EFCAB3: variants seen among roughly 807,000 people sequenced by gnomAD.
EFCAB3 encodes the protein EF-hand calcium binding domain 3.
A neutral mutation model predicts 42.2 loss-of-function variants in EFCAB3; 36 were observed. The observed-to-expected ratio is 0.85, with a 90% CI of 0.65 to 1.13. The LOEUF (loss-of-function observed/expected upper bound fraction) is 1.13. Among genes scored for constraint, EFCAB3 ranks in the 50% most tolerant of loss-of-function variants. The probability of loss-of-function intolerance (pLI) is 0.00; values close to 1 mark genes in which losing one functional copy is unlikely to be tolerated. For synonymous variants in EFCAB3, 170 were observed against 172.8 expected (o/e 0.98, Z 0.13); for missense variants, 418 against 505.1 (o/e 0.83, Z 1.65).
chr17:62,388,485 C>A (rs1284470884), intron 3 of EFCAB3, among the ~76,000 whole-genome samples: 1 of 152,164 alleles, frequency 6.6e-6, no homozygotes, highest in East Asian at 1.9e-4. Context: ...TCAAAGAAGT[C>A]AAGTGTGGCT....
intron 6 of EFCAB3, among the ~76,000 whole-genome samples, chr17:62,403,606 T>A (rs1198017699): frequency 9.2e-5 from 14 of 152,228 alleles, no homozygotes; most frequent in Admixed American, 9.2e-4. Context: ...AGGTCCTTCA[T>A]AATATATCCT....
intron 9 of EFCAB3, 96 bp from the exon 10 acceptor site, chr17:62,415,907 G>A: frequency 9.3e-7 from 1 of 1,072,376 alleles, no homozygotes. Context: ...CTTTCGAGTA[G>A]CCCAGGGACA....
rs984620972 is a variant in EFCAB3 at position 62,380,571 on chromosome 17, T to G, written c.-60T>G. On this transcript the variant is annotated 5_prime_UTR_variant, in exon 1 of 10. Coordinates refer to ENST00000305286, the MANE Select transcript of EFCAB3 (RefSeq NM_173503.4). ...CAAACCCTTTATTGGATTCCTGATCTGATTGAAGCCCAGAAGTGGTAGGTA... is the reference window on the plus strand; with the variant it reads ...CAAACCCTTTATTGGATTCCTGATCGGATTGAAGCCCAGAAGTGGTAGGTA... 4.1e-6 allele frequency: 4 copies of G among 985,458 alleles called. No homozygotes were observed. In the South Asian group the frequency reaches 1.9e-4, roughly 46 times the overall value. The allele number at this position is 985,458 out of a possible 1,614,324, so 61.0% of individuals were successfully genotyped here. A position where few individuals can be genotyped will look rare whatever the true frequency, so the allele number is the denominator to read the frequency against.
At chr17:62,387,014 A>G (rs113945430) in intron 2 of EFCAB3, among the ~76,000 whole-genome samples, 6,058 of 151,880 alleles carry the variant, frequency 0.04, 400 homozygotes, top group African/African-American at 0.14. Flanking sequence ...CTGGTCTTGA[A>G]CTCCTGGGCT....
exon 1 of EFCAB3, chr17:62,370,269 T>C (rs778972143): frequency 6.1e-5 from 95 of 1,551,448 alleles, no homozygotes; most frequent in Non-Finnish European, 6.3e-5. Flanking sequence ...AGCGAAGGGA[T>C]TGAGCTCACA....
At chr17:62,396,000 C>G (rs953205539) in intron 6 of EFCAB3, among the ~76,000 whole-genome samples, 22 of 152,152 alleles carry the variant, frequency 1.4e-4, no homozygotes, top group African/African-American at 5.1e-4. Context: ...GCACAAAATT[C>G]TACTTTTCAT....
At chr17:62,370,511 C>G (rs1447511692) in intron 1 of EFCAB3, among the ~76,000 whole-genome samples, 2 of 152,098 alleles carry the variant, frequency 1.3e-5, no homozygotes, top group Non-Finnish European at 2.9e-5. Context: ...AAAAAATTAA[C>G]TGGGCGTGGT....
chr17:62,403,026 A>T (rs535906815), intron 6 of EFCAB3, among the ~76,000 whole-genome samples: 6 of 152,282 alleles, frequency 3.9e-5, no homozygotes, highest in African/African-American at 1.4e-4. Flanking sequence ...GGGAGGGTAT[A>T]TGTGTCCAGG....
chr17:62,406,412 C>A, intron 6 of EFCAB3, 68 bp from the exon 7 acceptor site: 1 of 1,368,114 alleles, frequency 7.3e-7, no homozygotes, highest in South Asian at 1.5e-5. Context: ...TAACTAGCAA[C>A]TTGACTTTTT....
At chr17:62,385,378 G>A (rs2070240136) in intron 2 of EFCAB3, among the ~76,000 whole-genome samples, 1 of 152,158 alleles carries the variant, frequency 6.6e-6, no homozygotes, top group Non-Finnish European at 1.5e-5. Flanking sequence ...GGCGGTCAAG[G>A]CTGCAGTGAG....
At chr17:62,387,519 C>A in intron 3 of EFCAB3, 103 bp downstream of exon 3, 1 of 946,066 alleles carries the variant, frequency 1.1e-6, no homozygotes, top group Non-Finnish European at 1.5e-6. Flanking sequence ...GTCTACACCA[C>A]CATCATTTGA....
chr17:62,383,250 C>CG (rs1272488863), intron 2 of EFCAB3, 197 bp downstream of exon 2: 1 of 462,822 alleles, frequency 2.2e-6, no homozygotes, highest in Non-Finnish European at 3.8e-6. Context: ...CCGAGGTGGG[C>CG]GGATCATGAG....
intron 1 of EFCAB3, among the ~76,000 whole-genome samples, chr17:62,373,331 T>A (rs1269340887): frequency 1.4e-5 from 2 of 146,686 alleles, no homozygotes; most frequent in Non-Finnish European, 3.0e-5. Flanking sequence ...GACTCATCCT[T>A]GCCAGGCACA....
intron 9 of EFCAB3, 74 bp from the exon 10 acceptor site, chr17:62,415,929 G>T: frequency 8.1e-7 from 1 of 1,229,776 alleles, no homozygotes; most frequent in African/African-American, 1.5e-5. Context: ...AACTCTTGGG[G>T]TATCTATCAT....
At chr17:62,407,629 C>T (rs932419324) in intron 8 of EFCAB3, among the ~76,000 whole-genome samples, 6 of 152,270 alleles carry the variant, frequency 3.9e-5, no homozygotes, top group African/African-American at 9.6e-5. Flanking sequence ...ATCCTGCCCT[C>T]GACTAGATCC....
chr17:62,382,579 A>G (rs1281792311), intron 1 of EFCAB3, among the ~76,000 whole-genome samples: 1 of 152,196 alleles, frequency 6.6e-6, no homozygotes, highest in Non-Finnish European at 1.5e-5. Flanking sequence ...ACATCTCCCC[A>G]TATCTCCTTC....
At chr17:62,402,470 A>T (rs2070412241) in intron 6 of EFCAB3, among the ~76,000 whole-genome samples, 1 of 152,122 alleles carries the variant, frequency 6.6e-6, no homozygotes, top group African/African-American at 2.4e-5. Context: ...TCCCATCAAT[A>T]CCTAATTTAT....
intron 3 of EFCAB3, among the ~76,000 whole-genome samples, chr17:62,390,439 A>G (rs1449304658): frequency 6.6e-6 from 1 of 151,988 alleles, no homozygotes; most frequent in Non-Finnish European, 1.5e-5. Flanking sequence ...TAGGAATTCT[A>G]TTTCTCTTCT....
At position 62,406,511 on chromosome 17, in the gene EFCAB3, C is replaced by T. The variant is rs756313902; in HGVS notation, c.520C>T (p.Pro174Ser). 4 of 1,606,054 alleles carry T rather than the reference C, an allele frequency of 2.5e-6. No individual in the cohort carries two copies. The highest frequency in any genetic ancestry group is 3.4e-6 in the Non-Finnish European group (4 of 1,175,562). ...CCAAAGAAAATTCCAGCATACTGGC[C>T]CAGGAATGTTGTGGAGTCCCTACAC... is the stretch of plus-strand genomic sequence containing the variant. Reference protein sequence around the residue: ...YFQRKFQHTGPGMLWSPYTMG... With the variant: ...YFQRKFQHTGSGMLWSPYTMG... Residue 174 changes from proline to serine, a missense_variant, in exon 7 of 10, where the codon CCA becomes TCA. Coordinates refer to ENST00000305286, the MANE Select transcript of EFCAB3 (RefSeq NM_173503.4).
Sources: allele counts gnomAD v4.1 joint callset (sites outside exome capture counted in the v4.1 genomes callset), GRCh38; gene constraint gnomAD v4.1.1; transcripts MANE v1.5; gene names NCBI Gene and HGNC (gene_info 2026-07-23, HGNC 2026-07-21).